PIK3C2G: variants seen among roughly 807,000 people sequenced by gnomAD.
PIK3C2G encodes phosphatidylinositol-4-phosphate 3-kinase catalytic subunit type 2 gamma.
PIK3C2G carries 168 observed loss-of-function variants against 181.1 expected under a neutral mutation model. The observed-to-expected ratio is 0.93, with a 90% CI of 0.82 to 1.05. The LOEUF is 1.05. Ranked by LOEUF, PIK3C2G falls within the 50% of genes least tolerant of loss-of-function variation. The probability of loss-of-function intolerance (pLI) is 0.00; values close to 1 mark genes in which losing one functional copy is unlikely to be tolerated. For missense variants in PIK3C2G, 1,869 were observed against 1,732.8 expected, an observed-to-expected ratio of 1.08 and a Z score of -1.40; for synonymous variants, 573 against 592.2, an observed-to-expected ratio of 0.97 and a Z score of 0.47.
intron 29 of PIK3C2G, among the ~76,000 whole-genome samples, chr12:18,568,105 G>A (rs373495399): frequency 5.3e-5 from 8 of 152,230 alleles, no homozygotes; most frequent in South Asian, 4.1e-4. Context: ...TAATCTCACC[G>A]TCTCAGGATT....
chr12:18,252,857 C>T (rs1280860768), intron 1 of PIK3C2G, among the ~76,000 whole-genome samples: 1 of 152,120 alleles, frequency 6.6e-6, no homozygotes, highest in Non-Finnish European at 1.5e-5. Flanking sequence ...TTTCCTGTTT[C>T]TGCTCTTTCC....
At chr12:18,481,239 T>C (rs1464211326) in intron 18 of PIK3C2G, among the ~76,000 whole-genome samples, 3 of 152,182 alleles carry the variant, frequency 2.0e-5, no homozygotes, top group African/African-American at 7.2e-5. Context: ...TGGCTTGAAT[T>C]CTTCCCTGGG....
chr12:18,422,583 C>A (rs1427447224), intron 17 of PIK3C2G, among the ~76,000 whole-genome samples: 1 of 152,066 alleles, frequency 6.6e-6, no homozygotes, highest in African/African-American at 2.4e-5. Context: ...GGGGTTACTG[C>A]AAACCACTTC....
chr12:18,706,237 TA>T, the PIK3C2G span, among the ~76,000 whole-genome samples: 1 of 133,662 alleles, frequency 7.5e-6, no homozygotes, highest in Non-Finnish European at 1.6e-5. Context: ...GTCTCAAAAA[TA>T]AAAATAAAAA....
chr12:18,292,430 A>G (rs996499351), intron 4 of PIK3C2G, among the ~76,000 whole-genome samples: 3 of 151,600 alleles, frequency 2.0e-5, no homozygotes, highest in African/African-American at 4.9e-5. Flanking sequence ...ATCTAAAACA[A>G]GTGGGAAGCC....
intron 31 of PIK3C2G, among the ~76,000 whole-genome samples, chr12:18,609,837 C>T (rs1458999122): frequency 6.6e-6 from 1 of 151,852 alleles, no homozygotes; most frequent in Non-Finnish European, 1.5e-5. Context: ...AAGGAAAGTC[C>T]TAGAATGAAC....
chr12:18,362,778 C>A lies in PIK3C2G; in HGVS notation c.1640C>A (p.Ser547Tyr), dbSNP rs2137805341. 2.6e-6 allele frequency: 4 copies of A among 1,521,226 alleles called. No homozygotes were observed. The highest frequency in any genetic ancestry group is 2.1e-5 in the Admixed American group (1 of 47,240). 94.2% of individuals were successfully genotyped at this position (1,521,226 alleles called of 1,614,324 possible). ...TTTCATTTTAGCTACAAAGCGTTTTCTTTTACCTGTTGGCTTACATATGCT... is the reference window on the plus strand; with the variant it reads ...TTTCATTTTAGCTACAAAGCGTTTTATTTTACCTGTTGGCTTACATATGCT... ...ETWVHSYKAFSFTCWLTYAGK... is the reference protein window; with the variant it reads ...ETWVHSYKAFYFTCWLTYAGK... The change falls in exon 12 of 33, where the codon TCT becomes TAT. Residue 547 changes from serine to tyrosine, a missense_variant. Ser to Tyr is a moderately radical substitution (Grantham distance 144). Transcript: ENST00000538779.
chr12:18,607,948 A>T (rs1178981893), intron 30 of PIK3C2G, among the ~76,000 whole-genome samples: 1 of 152,186 alleles, frequency 6.6e-6, no homozygotes, highest in Non-Finnish European at 1.5e-5. Context: ...ACACATGAAA[A>T]AATGCTCATC....
Position 18,529,859 on chromosome 12 carries a change from G to A in PIK3C2G, c.3324-8297G>A, listed in dbSNP as rs114077057. Among the ~76,000 whole-genome samples, 800 of 152,276 alleles carry A rather than the reference G, an allele frequency of 5.3e-3. 7 individuals are homozygous for A. Among genetic ancestry groups the A allele is most frequent in the African/African-American group, 0.018 (767 of 41,570 alleles). On this transcript the variant is annotated intron_variant, in intron 24 of 32. Coordinates refer to ENST00000538779, the MANE Select transcript of PIK3C2G (RefSeq NM_001288772.2). ...GATTGGACTTGAATTTGTGGGAAAGGTGGGGGAAAGACAGCCTAGAGCAGA... is the reference window on the plus strand; with the variant it reads ...GATTGGACTTGAATTTGTGGGAAAGATGGGGGAAAGACAGCCTAGAGCAGA...
At chr12:18,680,837 G>A in the PIK3C2G span, among the ~76,000 whole-genome samples, 7 of 152,010 alleles carry the variant, frequency 4.6e-5, no homozygotes, top group Admixed American at 3.3e-4. Context: ...AAAAAGTAGA[G>A]TTCTCCTCTG....
intron 18 of PIK3C2G, among the ~76,000 whole-genome samples, chr12:18,476,677 G>A (rs990208450): frequency 1.3e-5 from 2 of 152,146 alleles, no homozygotes; most frequent in Admixed American, 6.6e-5. Context: ...GAAGGTGAGA[G>A]AAGGGCCAAG....
intron 15 of PIK3C2G, among the ~76,000 whole-genome samples, chr12:18,398,521 T>C (rs548705458): frequency 6.6e-6 from 1 of 152,024 alleles, no homozygotes; most frequent in African/African-American, 2.4e-5. Flanking sequence ...TTCTTGGGAG[T>C]TTCAGCAGAT....
At chr12:18,714,508 A>C in the PIK3C2G span, 3 of 152,244 alleles carry the variant, frequency 2.0e-5, no homozygotes, top group African/African-American at 7.2e-5. Context: ...CTAAAACGCG[A>C]TCTTGGAAGA....
chr12:18,281,491 T>C (rs1949216194), intron 1 of PIK3C2G, among the ~76,000 whole-genome samples: 2 of 151,912 alleles, frequency 1.3e-5, no homozygotes, highest in Non-Finnish European at 2.9e-5. Context: ...TTTAGGGAAG[T>C]ATAAAAGGCT....
chr12:18,364,486 A>C (rs1301188684), intron 12 of PIK3C2G, among the ~76,000 whole-genome samples: 1 of 152,178 alleles, frequency 6.6e-6, no homozygotes, highest in Non-Finnish European at 1.5e-5. Context: ...CGAATAATAC[A>C]AAGATTTTTT....
chr12:18,699,527 A>G, the PIK3C2G span, among the ~76,000 whole-genome samples: 1 of 152,038 alleles, frequency 6.6e-6, no homozygotes, highest in Non-Finnish European at 1.5e-5. Flanking sequence ...CAAGCTGCTC[A>G]CCACAGCCCC....
At chr12:18,476,151 T>C (rs148206918) in intron 18 of PIK3C2G, among the ~76,000 whole-genome samples, 149 of 152,312 alleles carry the variant, frequency 9.8e-4, no homozygotes, top group African/African-American at 3.4e-3. Context: ...GGGTGGATAA[T>C]GCATACCTGC....
intron 23 of PIK3C2G, 115 bp downstream of exon 23, chr12:18,503,532 A>G: frequency 1.5e-6 from 1 of 649,138 alleles, no homozygotes; most frequent in Non-Finnish European, 2.4e-6. Flanking sequence ...GTTCTAATTC[A>G]ATCAGCCCAG....
chr12:18,273,540 T>C (rs1209115173), intron 1 of PIK3C2G, among the ~76,000 whole-genome samples: 1 of 152,184 alleles, frequency 6.6e-6, no homozygotes, highest in Non-Finnish European at 1.5e-5. Flanking sequence ...GGGGATGGCA[T>C]TGAATCTATA....
Sources: allele counts gnomAD v4.1 joint callset (sites outside exome capture counted in the v4.1 genomes callset), GRCh38; gene constraint gnomAD v4.1.1; transcripts MANE v1.5; gene names NCBI Gene and HGNC (gene_info 2026-07-23, HGNC 2026-07-21).